Variants in METTL4 observed in about 807,000 individuals in gnomAD.
METTL4 encodes N(6)-adenine-specific methyltransferase METTL4.
METTL4 carries 40 observed loss-of-function variants against 54.0 expected under a neutral mutation model. That is an observed-to-expected ratio of 0.74 (90% CI 0.58 to 0.96). The LOEUF (loss-of-function observed/expected upper bound fraction) is 0.96, where lower values mean the gene tolerates loss of function less well. Ranked by LOEUF, METTL4 falls within the 50% of genes least tolerant of loss-of-function variation. METTL4 has a pLI of 0.00. For synonymous variants in METTL4, 169 were observed against 183.8 expected (o/e 0.92, Z 0.65); for missense variants, 525 against 549.0 (o/e 0.96, Z 0.44).
intron 5 of METTL4, among the ~76,000 whole-genome samples, chr18:2,548,099 C>G (rs557577500): frequency 1.3e-5 from 2 of 152,132 alleles, no homozygotes; most frequent in East Asian, 3.9e-4. Context: ...CATTTGCAAC[C>G]CCTAATCTAT....
At chr18:2,539,995 TA>T (rs1249079831) in intron 8 of METTL4, 1 of 978,966 alleles carries the variant, frequency 1.0e-6, no homozygotes, top group Non-Finnish European at 1.2e-6. Context: ...TTGGTAGCAC[TA>T]AAAACATTTC....
intron 3 of METTL4, among the ~76,000 whole-genome samples, chr18:2,562,566 T>C (rs542252868): frequency 3.3e-5 from 5 of 152,262 alleles, no homozygotes; most frequent in African/African-American, 9.6e-5. Context: ...ATGTAGTATA[T>C]ACAAACAATG....
intron 1 of METTL4, chr18:2,568,958 T>C (rs2143609313): frequency 4.4e-6 from 1 of 226,206 alleles, no homozygotes; most frequent in Non-Finnish European, 9.2e-6. Flanking sequence ...CAAAAATTAA[T>C]GCTATTCTAA....
Position 2,537,787 on chromosome 18 carries a change from AT to A in METTL4, c.*1212del. 2.5e-6 allele frequency: 1 copy of A among 398,318 alleles called. No individual in the cohort carries two copies. The highest frequency in any genetic ancestry group is 4.4e-6 in the Non-Finnish European group (1 of 225,888). 24.7% of individuals were successfully genotyped at this position (398,318 alleles called of 1,614,324 possible). A position where few individuals can be genotyped will look rare whatever the true frequency, so the allele number is the denominator to read the frequency against. On this transcript the variant is annotated 3_prime_UTR_variant, in exon 9 of 9. Transcript: ENST00000574538. ...AAATAGTATAAATGCTTTTCTCAAA[AT>A]GCTACGTGAAAGAAGCCAGGCACAA...
intron 5 of METTL4, among the ~76,000 whole-genome samples, chr18:2,551,459 A>C (rs1378258612): frequency 6.6e-6 from 1 of 152,010 alleles, no homozygotes; most frequent in African/African-American, 2.4e-5. Context: ...TCTCAGCACT[A>C]TGGAGGCTGA....
intron 8 of METTL4, chr18:2,539,916 G>A (rs1374347283): frequency 1.0e-6 from 1 of 956,428 alleles, no homozygotes; most frequent in Non-Finnish European, 1.2e-6. Context: ...TAAATGAAGA[G>A]CTGGATAGAG....
Position 2,538,911 on chromosome 18 carries a change from G to C in METTL4, c.*89C>G, listed in dbSNP as rs1162709745. 7.1e-6 allele frequency: 10 copies of C among 1,412,810 alleles called. No homozygotes were observed. Among genetic ancestry groups the C allele is most frequent in the Non-Finnish European group, 8.7e-6 (9 of 1,031,326 alleles). 87.5% of individuals were successfully genotyped at this position (1,412,810 alleles called of 1,614,324 possible). A position where few individuals can be genotyped will look rare whatever the true frequency, so the allele number is the denominator to read the frequency against. On this transcript the variant is annotated 3_prime_UTR_variant, in exon 9 of 9. Transcript: ENST00000574538. ...TCCTGTTTATATTCTAAGAATATGG[G>C]TTGGTAACAAAATAAAAAAATGACT...
At chr18:2,543,379 T>C (rs990312388) in intron 8 of METTL4, among the ~76,000 whole-genome samples, 2 of 152,190 alleles carry the variant, frequency 1.3e-5, no homozygotes, top group African/African-American at 2.4e-5. Flanking sequence ...AAAGTAAACT[T>C]TGAATATCAA....
At chr18:2,565,289 A>G (rs903643800) in intron 2 of METTL4, among the ~76,000 whole-genome samples, 8 of 151,792 alleles carry the variant, frequency 5.3e-5, no homozygotes, top group East Asian at 1.9e-4. Flanking sequence ...AAAAAAAAAA[A>G]GGGGGATCAA....
chr18:2,567,543 C>A lies in METTL4; in HGVS notation c.-327G>T, dbSNP rs759979339. Reference sequence around the variant, plus strand: ...TTATGTCTGGAATCCCAATGTGATCCTCCTGTCTTCCTGGGCCCCCCACGA... The same window carrying A: ...TTATGTCTGGAATCCCAATGTGATCATCCTGTCTTCCTGGGCCCCCCACGA... On this transcript the variant is annotated 5_prime_UTR_variant, in exon 2 of 9. The change creates a new upstream start codon in the 5' untranslated region. Transcript: ENST00000574538. The A allele has an allele frequency of 1.8e-4, 32 of 179,748 alleles. No individual in the cohort carries two copies. Among genetic ancestry groups the A allele is most frequent in the Non-Finnish European group, 3.6e-4 (31 of 86,072 alleles). 11.1% of individuals were successfully genotyped at this position (179,748 alleles called of 1,614,324 possible).
intron 5 of METTL4, among the ~76,000 whole-genome samples, chr18:2,551,811 T>A (rs1365714031): frequency 6.6e-6 from 1 of 152,150 alleles, no homozygotes; most frequent in African/African-American, 2.4e-5. Context: ...AGAAGAAATT[T>A]CATATGAAGT....
chr18:2,566,646 T>C (rs757395920), intron 2 of METTL4, 175 bp downstream of exon 2: 9 of 421,110 alleles, frequency 2.1e-5, no homozygotes, highest in Non-Finnish European at 3.6e-5. Context: ...TTTGGTCTTC[T>C]AAGAATAGTT....
intron 7 of METTL4, 29 bp downstream of exon 7, chr18:2,544,624 A>G (rs759505597): frequency 5.2e-6 from 7 of 1,353,000 alleles, no homozygotes; most frequent in Non-Finnish European, 7.3e-6. Flanking sequence ...TAATACATGT[A>G]TACAATTTTG....
At chr18:2,542,943 C>G (rs924351013) in intron 8 of METTL4, among the ~76,000 whole-genome samples, 13 of 151,988 alleles carry the variant, frequency 8.6e-5, no homozygotes, top group Non-Finnish European at 1.5e-4. Context: ...GCCTGGCCAA[C>G]ATGGCGAAAC....
In METTL4 at chr18:2,537,879, C is replaced by A; in HGVS notation, c.*1121G>T. 2.5e-6 allele frequency: 1 copy of A among 398,454 alleles called. No homozygotes were observed. Among genetic ancestry groups the A allele is most frequent in the Non-Finnish European group, 4.4e-6 (1 of 226,012 alleles). The allele number at this position is 398,454 out of a possible 1,614,324, so 24.7% of individuals were successfully genotyped here. On this transcript the variant is annotated 3_prime_UTR_variant, in exon 9 of 9. Transcript: ENST00000574538. ...AAACAGCAGAACTAATGATAGAAAGCAAACCAGTGTTTGCCAGGGGCCAAG... is the reference window on the plus strand; with the variant it reads ...AAACAGCAGAACTAATGATAGAAAGAAAACCAGTGTTTGCCAGGGGCCAAG...
At chr18:2,553,698 C>T (rs528710404) in intron 4 of METTL4, 4 of 152,134 alleles carry the variant, frequency 2.6e-5, no homozygotes, top group African/African-American at 4.8e-5. Context: ...TGTCCTTTCT[C>T]CCCCTTTTAT....
chr18:2,551,201 G>A (rs1262855374), intron 5 of METTL4, among the ~76,000 whole-genome samples: 2 of 146,644 alleles, frequency 1.4e-5, no homozygotes, highest in Admixed American at 1.4e-4. Context: ...TTATATCAAT[G>A]TTGATTACCT....
At chr18:2,560,459 C>G (rs1055288686) in intron 3 of METTL4, among the ~76,000 whole-genome samples, 1 of 152,076 alleles carries the variant, frequency 6.6e-6, no homozygotes, top group Non-Finnish European at 1.5e-5. Flanking sequence ...CACGAGAGGG[C>G]TAATAAGTTC....
intron 6 of METTL4, 66 bp downstream of exon 6, chr18:2,547,289 G>A (rs535233280): frequency 7.5e-7 from 1 of 1,325,924 alleles, no homozygotes; most frequent in Non-Finnish European, 1.0e-6. Context: ...GCATTACAAA[G>A]TAGATGCTAC....
Sources: gnomAD v4.1 joint callset for allele counts (sites outside exome capture counted in the v4.1 genomes callset) on GRCh38, gnomAD v4.1.1 for gene constraint, MANE v1.5 for transcripts, NCBI Gene and HGNC (gene_info 2026-07-23, HGNC 2026-07-21) for gene names.